The following LACTB2 variants were observed in gnomAD, a reference collection of about 807,000 sequenced individuals.
LACTB2 encodes endoribonuclease LACTB2.
In LACTB2, 32 loss-of-function variants were observed where a neutral mutation model predicts 34.8. The ratio of observed to expected loss-of-function variants is 0.92; its 90% confidence interval spans 0.69 to 1.24. LACTB2 has a LOEUF of 1.24. Ranked by LOEUF, LACTB2 falls within the 50% of genes most tolerant of loss-of-function variation. The pLI is 0.00. For missense variants in LACTB2, 320 were observed against 345.0 expected (o/e 0.93, Z 0.57); for synonymous variants, 120 against 117.5 (o/e 1.02, Z -0.14).
intron 1 of LACTB2, among the ~76,000 whole-genome samples, chr8:70,666,255 T>A (rs1247173822): frequency 6.6e-6 from 1 of 152,190 alleles, no homozygotes; most frequent in Non-Finnish European, 1.5e-5. Context: ...GGAAAGACAC[T>A]AAGCTTCTTG....
intron 2 of LACTB2, chr8:70,661,227 G>T (rs772409550): frequency 2.8e-6 from 1 of 353,430 alleles, no homozygotes; most frequent in African/African-American, 2.1e-5. Context: ...ATGAATGAAT[G>T]AATCTAGGTA....
rs113307178 is a variant in LACTB2, at chr8:70,668,984, G to A, written c.122+15C>T. 4.5e-5 allele frequency: 71 copies of A among 1,573,154 alleles called. No homozygotes were observed. In the African/African-American group the frequency reaches 7.4e-4, roughly 16 times the overall value. ...CCGGCTGCGAACGTTGGGGAGGTTG[G>A]AGAGGGACGTTTACCTGGGGCCGGT... On this transcript the variant is annotated intron_variant, in intron 1 of 6. Coordinates refer to ENST00000276590, the MANE Select transcript of LACTB2 (RefSeq NM_016027.3).
intron 3 of LACTB2, chr8:70,654,702 C>T (rs540002981): frequency 1.2e-4 from 19 of 152,414 alleles, no homozygotes; most frequent in African/African-American, 4.6e-4. Flanking sequence ...GTTCACCTCT[C>T]CTTAGGCAAC....
In LACTB2 at chr8:70,669,089, A is replaced by G; in HGVS notation, c.32T>C (p.Leu11Pro). 1 of 1,612,362 alleles carries G rather than the reference A, an allele frequency of 6.2e-7. No individual in the cohort carries two copies. Among genetic ancestry groups the G allele is most frequent in the Non-Finnish European group, 8.5e-7 (1 of 1,179,504 alleles). Reference protein sequence around the residue: MAAVLQRVERLSNRVVRVLGC... With the variant: MAAVLQRVERPSNRVVRVLGC... ...CAACACACGCACGACTCGATTGGACAGCCGCTCGACGCGCTGCAGTACAGC... is the reference window on the plus strand; with the variant it reads ...CAACACACGCACGACTCGATTGGACGGCCGCTCGACGCGCTGCAGTACAGC... Residue 11 changes from leucine (L) to proline (P), a missense_variant, in exon 1 of 7, where the codon CTG (leucine) becomes CCG (proline). Transcript: ENST00000276590.
intron 6 of LACTB2, among the ~76,000 whole-genome samples, 157 bp downstream of exon 6, chr8:70,638,391 C>T (rs1376780982): frequency 6.6e-6 from 1 of 152,148 alleles, no homozygotes; most frequent in Non-Finnish European, 1.5e-5. Context: ...GGTCCACTGG[C>T]CCTGTGCTAC....
intron 3 of LACTB2, chr8:70,654,440 C>G (rs143964700): frequency 1.3e-5 from 2 of 150,424 alleles, no homozygotes; most frequent in Non-Finnish European, 3.0e-5. Flanking sequence ...TCAAGTAGCA[C>G]AATGAAGGAT....
At chr8:70,652,260 T>C (rs1241960567) in intron 3 of LACTB2, among the ~76,000 whole-genome samples, 1 of 152,218 alleles carries the variant, frequency 6.6e-6, no homozygotes, top group Non-Finnish European at 1.5e-5. Context: ...CTGTTATTTA[T>C]ATAGAGTTGA....
intron 2 of LACTB2, chr8:70,661,356 G>A: frequency 3.5e-6 from 1 of 284,142 alleles, no homozygotes; most frequent in Non-Finnish European, 6.9e-6. Context: ...CTTAGTAACT[G>A]CCTTAAAGTT....
chr8:70,648,340 G>A (rs1371821339), intron 3 of LACTB2, among the ~76,000 whole-genome samples: 1 of 152,078 alleles, frequency 6.6e-6, no homozygotes, highest in Non-Finnish European at 1.5e-5. Context: ...GGGTTATGAA[G>A]AAAATTTCCA....
chr8:70,641,438 G>T (rs1187725792), intron 4 of LACTB2, among the ~76,000 whole-genome samples: 1 of 152,164 alleles, frequency 6.6e-6, no homozygotes, highest in Non-Finnish European at 1.5e-5. Flanking sequence ...ATCCCATGAA[G>T]TAGGTACAAT....
intron 3 of LACTB2, among the ~76,000 whole-genome samples, chr8:70,653,302 G>A (rs895810173): frequency 6.6e-6 from 1 of 152,022 alleles, no homozygotes; most frequent in Non-Finnish European, 1.5e-5. Context: ...TGGTAGAGAT[G>A]GGGTTTCACC....
chr8:70,644,052 A>T lies in LACTB2; in HGVS notation c.592+13T>A, dbSNP rs1378777518. 3 of 1,501,958 alleles carry T rather than the reference A, an allele frequency of 2.0e-6. No homozygotes were observed. Among genetic ancestry groups the T allele is most frequent in the South Asian group, 1.4e-5 (1 of 70,308 alleles). The allele number at this position is 1,501,958 out of a possible 1,614,324, so 93.0% of individuals were successfully genotyped here. A position where few individuals can be genotyped will look rare whatever the true frequency, so the allele number is the denominator to read the frequency against. ...AAAACATAAAAATATAAAAAAATTTAAAAATTACCCACCTGGATATATAAT... is the reference window on the plus strand; with the variant it reads ...AAAACATAAAAATATAAAAAAATTTTAAAATTACCCACCTGGATATATAAT... On this transcript the variant is annotated intron_variant, in intron 4 of 6. Transcript: ENST00000276590.
In LACTB2 at chr8:70,644,098, A is replaced by G; in HGVS notation, c.559T>C (p.Leu187=). ...LYDYMNSLKE[L]LKIKADIIYP... The stretch of plus-strand genomic sequence containing the variant: ...ATAATATCAGCTTTGATTTTCAATA[A>G]CTCTTTTAAAGAGTTCATATAATCA... Residue 187 remains leucine (L), a synonymous_variant, in exon 4 of 7, where the codon TTA becomes CTA. Transcript: ENST00000276590. 1 of 1,584,344 alleles carries G rather than the reference A, an allele frequency of 6.3e-7. No individual in the cohort carries two copies. The highest frequency in any genetic ancestry group is 8.6e-7 in the Non-Finnish European group (1 of 1,168,466).
intron 3 of LACTB2, 109 bp downstream of exon 3, chr8:70,657,633 GAACTCCTGGGCTCA>G: frequency 1.1e-6 from 1 of 909,822 alleles, no homozygotes; most frequent in Non-Finnish European, 1.6e-6. Context: ...GGCTGGTCTT[GAACTCCTGGGCTCA>G]AACGATCTTC....
intron 5 of LACTB2, 31 bp from the exon 6 acceptor site, chr8:70,638,660 C>CT (rs11399242): frequency 0.77 from 851,226 of 1,101,498 alleles, 322,951 homozygotes; most frequent in African/African-American, 0.83. Flanking sequence ...AAAAAAATTC[C>CT]TTTTTTTTTA....
chr8:70,664,806 T>C (rs1669881233), intron 1 of LACTB2, among the ~76,000 whole-genome samples: 1 of 152,194 alleles, frequency 6.6e-6, no homozygotes, highest in African/African-American at 2.4e-5. Context: ...GTATTATTAC[T>C]TTATTAATTA....
chr8:70,667,995 A>G (rs573109890), intron 1 of LACTB2, among the ~76,000 whole-genome samples: 80 of 152,192 alleles, frequency 5.3e-4, no homozygotes, highest in African/African-American at 1.8e-3. Context: ...CTATCCTCCT[A>G]GATTCTGGTG....
chr8:70,648,046 TGAA>T (rs1463294464), intron 3 of LACTB2, among the ~76,000 whole-genome samples: 9 of 152,202 alleles, frequency 5.9e-5, no homozygotes, highest in Admixed American at 5.9e-4. Context: ...TTACGCTACA[TGAA>T]GATTAGAAGA....
intron 2 of LACTB2, chr8:70,661,486 A>G (rs1818480457): frequency 2.8e-6 from 1 of 362,246 alleles, no homozygotes; most frequent in Admixed American, 4.5e-5. Flanking sequence ...GTTGTTAGTT[A>G]TGATTAAGTC....
Sources: gnomAD v4.1 joint callset for allele counts (sites outside exome capture counted in the v4.1 genomes callset) on GRCh38, gnomAD v4.1.1 for gene constraint, MANE v1.5 for transcripts, NCBI Gene and HGNC (gene_info 2026-07-23, HGNC 2026-07-21) for gene names.